Variants in RAI14 observed in about 807,000 individuals in gnomAD.
RAI14 encodes the protein retinoic acid induced 14.
In RAI14, 45 loss-of-function variants were observed where a neutral mutation model predicts 115.4. That is an observed-to-expected ratio of 0.39 (90% CI 0.31 to 0.50). The LOEUF (loss-of-function observed/expected upper bound fraction) is 0.50, where lower values mean the gene tolerates loss of function less well. Ranked by LOEUF, RAI14 falls within the 20% of genes least tolerant of loss-of-function variation. The pLI is 0.85. For synonymous variants in RAI14, 371 were observed against 415.4 expected (o/e 0.89, Z 1.30); for missense variants, 939 against 1,131.2 (o/e 0.83, Z 2.44).
intron 3 of RAI14, among the ~76,000 whole-genome samples, chr5:34,775,137 T>C (rs576751521): frequency 1.3e-5 from 2 of 152,204 alleles, no homozygotes; most frequent in Non-Finnish European, 2.9e-5. Flanking sequence ...GATTTAAATC[T>C]AAGACCTCAA....
At chr5:34,695,399 A>G (rs1739102844) in intron 2 of RAI14, among the ~76,000 whole-genome samples, 2 of 152,250 alleles carry the variant, frequency 1.3e-5, no homozygotes, top group African/African-American at 4.8e-5. Flanking sequence ...GCTCTGCTCC[A>G]TAGATTAACC....
chr5:34,662,815 G>A (rs1429538226), intron 1 of RAI14, among the ~76,000 whole-genome samples: 1 of 130,454 alleles, frequency 7.7e-6, no homozygotes, highest in African/African-American at 2.9e-5. Flanking sequence ...TGCAACCTCC[G>A]CCTCTCAAGT....
At chr5:34,815,392 A>G (rs1189536814) in intron 12 of RAI14, among the ~76,000 whole-genome samples, 1 of 151,494 alleles carries the variant, frequency 6.6e-6, no homozygotes, top group African/African-American at 2.4e-5. Flanking sequence ...AAAAAAAAAA[A>G]GAAAAGAAAA....
intron 1 of RAI14, among the ~76,000 whole-genome samples, chr5:34,662,751 C>T (rs1561218712): frequency 1.5e-5 from 1 of 65,216 alleles, no homozygotes; most frequent in Non-Finnish European, 3.0e-5. Context: ...TTTTTAGACA[C>T]AGAGTCTCAC....
chr5:34,811,686 CT>C, intron 8 of RAI14, 80 bp from the exon 9 acceptor site: 1 of 1,301,210 alleles, frequency 7.7e-7, no homozygotes, highest in African/African-American at 1.5e-5. Flanking sequence ...CTTCTTTTCT[CT>C]TTTTTTAAGA....
At chr5:34,753,611 C>T (rs976476180) in intron 2 of RAI14, among the ~76,000 whole-genome samples, 4 of 151,946 alleles carry the variant, frequency 2.6e-5, no homozygotes, top group Non-Finnish European at 5.9e-5. Flanking sequence ...GAAACCCCAT[C>T]TCTACTGAAA....
intron 3 of RAI14, among the ~76,000 whole-genome samples, chr5:34,778,578 T>C (rs1751192067): frequency 6.6e-6 from 1 of 152,060 alleles, no homozygotes; most frequent in Non-Finnish European, 1.5e-5. Flanking sequence ...AAAATGTTTT[T>C]ATACTCTTCG....
intron 2 of RAI14, among the ~76,000 whole-genome samples, chr5:34,688,646 G>C (rs181545756): frequency 2.6e-5 from 4 of 152,298 alleles, no homozygotes; most frequent in African/African-American, 9.6e-5. Flanking sequence ...AAGCAGACCT[G>C]GGGGAGGAGA....
chr5:34,685,520 T>C (rs1039006821), intron 1 of RAI14, among the ~76,000 whole-genome samples: 3 of 151,766 alleles, frequency 2.0e-5, no homozygotes, highest in Admixed American at 1.3e-4. Flanking sequence ...AATTCATTGC[T>C]AAGAAATTCA....
intron 4 of RAI14, 24 bp from the exon 5 acceptor site, chr5:34,803,685 AATT>A (rs750661608): frequency 1.3e-6 from 2 of 1,563,690 alleles, no homozygotes; most frequent in Admixed American, 1.8e-5. Context: ...TTTTAAAAAA[AATT>A]ATTATTTGAA....
At chr5:34,802,867 T>C (rs971148127) in intron 4 of RAI14, among the ~76,000 whole-genome samples, 2 of 152,170 alleles carry the variant, frequency 1.3e-5, no homozygotes, top group Non-Finnish European at 1.5e-5. Context: ...CTCTCTCCCT[T>C]CTGTATAAGA....
At chr5:34,682,476 A>C (rs1033591930) in intron 1 of RAI14, among the ~76,000 whole-genome samples, 1 of 151,996 alleles carries the variant, frequency 6.6e-6, no homozygotes, top group Non-Finnish European at 1.5e-5. Flanking sequence ...TCAGGCTAGG[A>C]TTGGGAGTTA....
At chr5:34,794,156 C>T (rs1482720863) in intron 3 of RAI14, among the ~76,000 whole-genome samples, 1 of 152,168 alleles carries the variant, frequency 6.6e-6, no homozygotes, top group East Asian at 1.9e-4. Context: ...GGCATGGTGG[C>T]TCATGCCTGT....
intron 3 of RAI14, among the ~76,000 whole-genome samples, chr5:34,792,255 A>G (rs1387817748): frequency 8.4e-5 from 8 of 95,598 alleles, no homozygotes; most frequent in African/African-American, 3.4e-4. Context: ...TTTTTTTGAG[A>G]CGGAGTCTCT....
intron 1 of RAI14, among the ~76,000 whole-genome samples, chr5:34,660,656 C>T (rs1341787440): frequency 6.6e-6 from 1 of 152,122 alleles, no homozygotes; most frequent in African/African-American, 2.4e-5. Context: ...TTCTAAGAGT[C>T]TGTGAAAATG....
intron 2 of RAI14, among the ~76,000 whole-genome samples, chr5:34,693,767 A>C (rs374309248): frequency 3.3e-5 from 5 of 152,210 alleles, no homozygotes; most frequent in African/African-American, 1.2e-4. Context: ...TAAATTGTGA[A>C]GCTTCAAACT....
intron 2 of RAI14, among the ~76,000 whole-genome samples, chr5:34,730,182 C>T (rs762670762): frequency 6.6e-6 from 1 of 152,122 alleles, no homozygotes; most frequent in East Asian, 1.9e-4. Flanking sequence ...TAGTTTTCAC[C>T]TATTGTTATC....
At chr5:34,690,163 T>C (rs1046083756) in intron 2 of RAI14, among the ~76,000 whole-genome samples, 1 of 152,196 alleles carries the variant, frequency 6.6e-6, no homozygotes, top group African/African-American at 2.4e-5. Context: ...TATATATGTA[T>C]TGTTAAGGAA....
At chr5:34,706,150 T>C (rs1740677498) in intron 2 of RAI14, among the ~76,000 whole-genome samples, 2 of 152,232 alleles carry the variant, frequency 1.3e-5, no homozygotes, top group Non-Finnish European at 2.9e-5. Context: ...GCCCTAGTGT[T>C]ATTCTCTGTC....
Sources: allele counts gnomAD v4.1 joint callset (sites outside exome capture counted in the v4.1 genomes callset), GRCh38; gene constraint gnomAD v4.1.1; transcripts MANE v1.5; gene names NCBI Gene and HGNC (gene_info 2026-07-23, HGNC 2026-07-21).